The following ADGRL3 variants were observed in gnomAD, a reference collection of about 807,000 sequenced individuals.
The protein encoded by ADGRL3 is adhesion G protein-coupled receptor L3, also known as calcium-independent alpha-latrotoxin receptor 3.
ADGRL3 carries 62 observed loss-of-function variants against 153.5 expected under a neutral mutation model. The observed-to-expected ratio is 0.40, with a 90% CI of 0.33 to 0.50. The LOEUF is 0.50. Ranked by LOEUF, ADGRL3 falls within the 20% of genes least tolerant of loss-of-function variation. The pLI, the probability that ADGRL3 is intolerant of heterozygous loss-of-function variation, is 0.47. For missense variants in ADGRL3, 1,641 were observed against 1,859.4 expected, an observed-to-expected ratio of 0.88 and a Z score of 2.16; for synonymous variants, 710 against 672.5, an observed-to-expected ratio of 1.06 and a Z score of -0.86.
At chr4:61,387,647 G>C (rs796733332) in intron 2 of ADGRL3, among the ~76,000 whole-genome samples, 1 of 152,100 alleles carries the variant, frequency 6.6e-6, no homozygotes, top group African/African-American at 2.4e-5. Context: ...CTGGCTCACC[G>C]GTGGTCAGAG....
chr4:61,737,294 A>T (rs2151873418), intron 8 of ADGRL3, among the ~76,000 whole-genome samples: 1 of 152,320 alleles, frequency 6.6e-6, no homozygotes. Context: ...ATCAATGAAA[A>T]ATCATTCTTT....
At chr4:62,049,921 G>T (rs1733211327) in intron 25 of ADGRL3, among the ~76,000 whole-genome samples, 1 of 152,042 alleles carries the variant, frequency 6.6e-6, no homozygotes, top group South Asian at 2.1e-4. Context: ...TATGTAAATT[G>T]CTTACAGCAG....
chr4:61,462,771 T>G (rs2097839303), intron 2 of ADGRL3, among the ~76,000 whole-genome samples: 1 of 152,126 alleles, frequency 6.6e-6, no homozygotes, highest in Non-Finnish European at 1.5e-5. Context: ...GGCATTACGG[T>G]GTTACTCAGG....
intron 17 of ADGRL3, among the ~76,000 whole-genome samples, chr4:61,954,605 C>T (rs2098959229): frequency 6.6e-6 from 1 of 151,976 alleles, no homozygotes; most frequent in Admixed American, 6.6e-5. Flanking sequence ...CTCTCGACAT[C>T]CTCTCCTACC....
chr4:61,236,008 C>CTTTTTTTTTTTTTTTTTT (rs55932029), intron 1 of ADGRL3, among the ~76,000 whole-genome samples: 3 of 95,904 alleles, frequency 3.1e-5, no homozygotes, highest in Non-Finnish European at 3.8e-5. Context: ...CTTTTCTTTT[C>CTTTTTTTTTTTTTTTTTT]TTTTTTTTTT....
intron 2 of ADGRL3, among the ~76,000 whole-genome samples, chr4:61,396,169 T>C (rs2096866074): frequency 6.6e-6 from 1 of 151,948 alleles, no homozygotes; most frequent in Admixed American, 6.6e-5. Context: ...TACATACATG[T>C]CATCTAGTAC....
At chr4:61,543,629 C>A (rs528726540) in intron 4 of ADGRL3, among the ~76,000 whole-genome samples, 1 of 152,304 alleles carries the variant, frequency 6.6e-6, no homozygotes, top group Middle Eastern at 3.4e-3. Flanking sequence ...CAAGTTCATT[C>A]TCCTGCCTCA....
At chr4:61,831,155 C>T (rs1288976884) in intron 9 of ADGRL3, among the ~76,000 whole-genome samples, 1 of 152,042 alleles carries the variant, frequency 6.6e-6, no homozygotes, top group African/African-American at 2.4e-5. Flanking sequence ...TCCCAAAGTG[C>T]TGGGATTACA....
chr4:61,375,570 G>C (rs754161693), intron 1 of ADGRL3, among the ~76,000 whole-genome samples: 1 of 152,096 alleles, frequency 6.6e-6, no homozygotes, highest in Non-Finnish European at 1.5e-5. Context: ...CAGTGTGAAA[G>C]GAAAGGAGAT....
chr4:61,914,289 T>C (rs1321796644), intron 13 of ADGRL3, among the ~76,000 whole-genome samples: 1 of 152,108 alleles, frequency 6.6e-6, no homozygotes, highest in African/African-American at 2.4e-5. Flanking sequence ...GTGGTTTCCG[T>C]AGGGAAGGAA....
intron 9 of ADGRL3, among the ~76,000 whole-genome samples, chr4:61,837,713 G>GT (rs2097958098): frequency 1.3e-5 from 2 of 152,158 alleles, no homozygotes; most frequent in African/African-American, 4.8e-5. Flanking sequence ...GATTCTCAAA[G>GT]GTTTTGAGCT....
At chr4:61,270,757 T>C (rs2093126756) in intron 1 of ADGRL3, among the ~76,000 whole-genome samples, 1 of 151,716 alleles carries the variant, frequency 6.6e-6, no homozygotes, top group African/African-American at 2.4e-5. Context: ...AGTCTACTGC[T>C]TGCCATGCCC....
At chr4:61,300,897 T>G (rs950754699) in intron 1 of ADGRL3, among the ~76,000 whole-genome samples, 3 of 151,866 alleles carry the variant, frequency 2.0e-5, no homozygotes, top group Admixed American at 2.0e-4. Flanking sequence ...CCCGAGTAGC[T>G]GGGATTACAA....
chr4:61,598,122 G>C (rs1044990367), intron 5 of ADGRL3, among the ~76,000 whole-genome samples: 4 of 151,474 alleles, frequency 2.6e-5, no homozygotes, highest in Non-Finnish European at 4.4e-5. Context: ...CCCTTCAAAT[G>C]GTTTATAGTA....
intron 21 of ADGRL3, among the ~76,000 whole-genome samples, chr4:62,026,324 G>A (rs945441866): frequency 6.6e-6 from 1 of 152,020 alleles, no homozygotes; most frequent in African/African-American, 2.4e-5. Flanking sequence ...GCAGCAAATT[G>A]TAAAGAGGAG....
intron 8 of ADGRL3, among the ~76,000 whole-genome samples, chr4:61,804,959 A>ATTTTT (rs1231512178): frequency 6.9e-6 from 1 of 145,688 alleles, no homozygotes; most frequent in Non-Finnish European, 1.5e-5. Flanking sequence ...ATTTTTATTT[A>ATTTTT]TTTATTTTTT....
chr4:61,907,178 C>G (rs1335384162), intron 11 of ADGRL3, among the ~76,000 whole-genome samples: 1 of 152,112 alleles, frequency 6.6e-6, no homozygotes. Context: ...ATTCCATAGA[C>G]AGTATAGGAT....
chr4:61,498,178 A>G lies in ADGRL3; in HGVS notation c.55+830A>G, dbSNP rs151116777. Among the ~76,000 whole-genome samples, 412 of 152,254 alleles carry G rather than the reference A, an allele frequency of 2.7e-3. 4 individuals carry two copies. The highest frequency in any genetic ancestry group is 9.2e-3 in the African/African-American group (384 of 41,550). ...ACTCTGCACAATCTTTAATATACAG[A>G]ACACAAACTATAACCTCCCAATAAA... On this transcript the variant is annotated intron_variant, in intron 3 of 26. Coordinates refer to ENST00000683033, the MANE Select transcript of ADGRL3 (RefSeq NM_001387552.1).
At chr4:61,863,062 C>T (rs11729292) in intron 9 of ADGRL3, among the ~76,000 whole-genome samples, 12,010 of 152,082 alleles carry the variant, frequency 0.079, 524 homozygotes, top group Non-Finnish European at 0.1. Context: ...TGAGCCACTC[C>T]AATACTGTGT....
Sources: gnomAD v4.1 joint callset for allele counts (sites outside exome capture counted in the v4.1 genomes callset) on GRCh38, gnomAD v4.1.1 for gene constraint, MANE v1.5 for transcripts, NCBI Gene and HGNC (gene_info 2026-07-23, HGNC 2026-07-21) for gene names.